VAT1L: variants seen among roughly 807,000 people sequenced by gnomAD.
VAT1L encodes the protein putative NADPH-dependent quinone oxidoreductase VAT1L.
Under a neutral mutation model 44.1 loss-of-function variants are expected in VAT1L, and 34 were observed. The observed-to-expected ratio is 0.77, with a 90% CI of 0.59 to 1.03. The LOEUF is 1.03. VAT1L is among the 50% of genes least tolerant of loss of function. VAT1L has a pLI of 0.00. For synonymous variants in VAT1L, 253 were observed against 202.2 expected (o/e 1.25, Z -2.13); for missense variants, 615 against 538.8 (o/e 1.14, Z -1.40).
chr16:77,891,765 A>C (rs1217356076), intron 7 of VAT1L, among the ~76,000 whole-genome samples: 1 of 152,200 alleles, frequency 6.6e-6, no homozygotes, highest in African/African-American at 2.4e-5. Flanking sequence ...GTCCCAGGAC[A>C]AGAGGGTAAC....
At chr16:77,943,698 G>A (rs1023051446) in intron 7 of VAT1L, among the ~76,000 whole-genome samples, 5 of 151,874 alleles carry the variant, frequency 3.3e-5, no homozygotes, top group African/African-American at 9.7e-5. Context: ...CACTGCGCCC[G>A]ACCCACCCTG....
At chr16:77,813,365 G>A (rs1392156510) in intron 1 of VAT1L, among the ~76,000 whole-genome samples, 1 of 152,192 alleles carries the variant, frequency 6.6e-6, no homozygotes, top group Non-Finnish European at 1.5e-5. Flanking sequence ...ATTCGTTTGA[G>A]TTTGTATCTT....
At chr16:77,906,123 T>G (rs1023985356) in intron 7 of VAT1L, among the ~76,000 whole-genome samples, 1 of 152,222 alleles carries the variant, frequency 6.6e-6, no homozygotes, top group Non-Finnish European at 1.5e-5. Context: ...TTAAAGTACC[T>G]TCTTTATTCA....
chr16:77,856,010 G>A (rs558321732), intron 3 of VAT1L, among the ~76,000 whole-genome samples: 6 of 151,772 alleles, frequency 4.0e-5, no homozygotes, highest in East Asian at 1.9e-4. Flanking sequence ...GGAAGACTCC[G>A]TCAAAACAAA....
intron 7 of VAT1L, among the ~76,000 whole-genome samples, chr16:77,929,624 T>A (rs2017705917): frequency 6.6e-6 from 1 of 151,804 alleles, no homozygotes; most frequent in East Asian, 1.9e-4. Flanking sequence ...AGATAGGGAG[T>A]CAGATGGGAA....
At chr16:77,839,779 A>G (rs2016685213) in intron 3 of VAT1L, among the ~76,000 whole-genome samples, 1 of 152,108 alleles carries the variant, frequency 6.6e-6, no homozygotes, top group Admixed American at 6.5e-5. Flanking sequence ...CTTAGAACAG[A>G]ACCTGATGCT....
intron 1 of VAT1L, chr16:77,800,933 A>G (rs2966068): frequency 0.74 from 112,751 of 152,070 alleles, 42,091 homozygotes; most frequent in Admixed American, 0.79. Context: ...GGTTCAAGCA[A>G]TTCTCCTGCC....
chr16:77,891,800 C>A (rs551753617), intron 7 of VAT1L, among the ~76,000 whole-genome samples: 1 of 151,928 alleles, frequency 6.6e-6, no homozygotes, highest in Non-Finnish European at 1.5e-5. Flanking sequence ...AGGCCGGGCG[C>A]GGTGGCTCAT....
At chr16:77,972,628 A>T (rs2018292795) in intron 8 of VAT1L, among the ~76,000 whole-genome samples, 1 of 152,100 alleles carries the variant, frequency 6.6e-6, no homozygotes, top group Admixed American at 6.5e-5. Flanking sequence ...TAAAAATACA[A>T]AAATTAGCCG....
At chr16:77,885,008 C>T (rs972626831) in intron 7 of VAT1L, among the ~76,000 whole-genome samples, 4 of 152,308 alleles carry the variant, frequency 2.6e-5, no homozygotes, top group South Asian at 2.1e-4. Context: ...AACCACGTGC[C>T]TCATCACACC....
intron 3 of VAT1L, among the ~76,000 whole-genome samples, chr16:77,831,429 T>C (rs1304458018): frequency 6.6e-6 from 1 of 152,184 alleles, no homozygotes; most frequent in African/African-American, 2.4e-5. Context: ...GCCAAATATT[T>C]GATGCAGAAA....
Position 77,948,706 on chromosome 16 carries a change from A to C in VAT1L, c.1078-23144A>C, listed in dbSNP as rs183276297. Among the ~76,000 whole-genome samples, 514 of 152,292 alleles carry C rather than the reference A, an allele frequency of 3.4e-3. 3 individuals carry two copies. Among genetic ancestry groups the C allele is most frequent in the Non-Finnish European group, 6.1e-3 (415 of 68,032 alleles). Reference sequence around the variant, plus strand: ...GAGTATTTTAAAGTAAATCCCAGACATAATATTATTTCATCTGTAAATATT... The same window carrying C: ...GAGTATTTTAAAGTAAATCCCAGACCTAATATTATTTCATCTGTAAATATT... On this transcript the variant is annotated intron_variant, in intron 7 of 8. Transcript: ENST00000302536.
At position 77,950,409 on chromosome 16, in the gene VAT1L, A is replaced by AACACACACACACACACAC. The variant is rs61168492; in HGVS notation, c.1078-21411_1078-21394dup. ...GGGCGACAGAGCAAGATTCCATCTA[A>AACACACACACACACACAC]ACACACACACACACACACACACACA... is the stretch of plus-strand genomic sequence containing the variant. On this transcript the variant is annotated intron_variant, in intron 7 of 8. Transcript: ENST00000302536. 5.5e-3 allele frequency among the ~76,000 whole-genome samples: 723 copies of AACACACACACACACACAC among 131,442 alleles called. 14 individuals carry two copies. Among genetic ancestry groups the AACACACACACACACACAC allele is most frequent in the African/African-American group, 0.016 (533 of 33,676 alleles). 86.2% of individuals were successfully genotyped at this position (131,442 alleles called of 152,430 possible).
At position 77,927,662 on chromosome 16, in the gene VAT1L, G is replaced by C. The variant is rs1035135007; in HGVS notation, c.1077+42860G>C. ...GGAGGCTGAGGTGGGCGGATCATGA[G>C]GTCAGGAGTTCGAGACCATCCTGGC... On this transcript the variant is annotated intron_variant, in intron 7 of 8. Coordinates refer to ENST00000302536, the MANE Select transcript of VAT1L (RefSeq NM_020927.3). Among the ~76,000 whole-genome samples the C allele has an allele frequency of 1.1e-4, 16 of 152,158 alleles. 1 individual carries two copies. In the South Asian group the frequency reaches 3.1e-3, roughly 30 times the overall value.
intron 5 of VAT1L, among the ~76,000 whole-genome samples, chr16:77,876,960 G>C (rs2017094007): frequency 6.6e-6 from 1 of 152,162 alleles, no homozygotes; most frequent in Non-Finnish European, 1.5e-5. Context: ...CAGAAGCCCT[G>C]AATAGATGGA....
At chr16:77,810,654 A>G (rs1304109031) in intron 1 of VAT1L, among the ~76,000 whole-genome samples, 1 of 152,110 alleles carries the variant, frequency 6.6e-6, no homozygotes, top group Non-Finnish European at 1.5e-5. Flanking sequence ...TGGGTGACAG[A>G]GCTAGACTCT....
chr16:77,788,972 G>A (rs1029060131), intron 1 of VAT1L, 57 bp downstream of exon 1: 5 of 1,428,804 alleles, frequency 3.5e-6, no homozygotes, highest in African/African-American at 1.5e-5. Context: ...GCGCTGGGGA[G>A]GGGGTGGGAA....
chr16:77,960,106 A>G (rs969682595), intron 7 of VAT1L, among the ~76,000 whole-genome samples: 2 of 152,078 alleles, frequency 1.3e-5, no homozygotes, highest in East Asian at 1.9e-4. Flanking sequence ...CCACAACCTC[A>G]TAACACCATC....
rs548543611 is a variant in VAT1L at position 77,833,780 on chromosome 16, A to G, written c.579+8319A>G. Among the ~76,000 whole-genome samples the G allele has an allele frequency of 7.3e-5, 11 of 151,510 alleles. 1 individual carries two copies. The South Asian group carries it at 2.3e-3, about 32-fold the overall frequency. ...AAAAAGAAAAAGAAAAAAAAGAAAAATGAAAGTGGGAATAGGCTTTCATGA... is the reference window on the plus strand; with the variant it reads ...AAAAAGAAAAAGAAAAAAAAGAAAAGTGAAAGTGGGAATAGGCTTTCATGA... On this transcript the variant is annotated intron_variant, in intron 3 of 8. Coordinates refer to ENST00000302536, the MANE Select transcript of VAT1L (RefSeq NM_020927.3).
Sources: allele counts gnomAD v4.1 joint callset (sites outside exome capture counted in the v4.1 genomes callset), GRCh38; gene constraint gnomAD v4.1.1; transcripts MANE v1.5; gene names NCBI Gene and HGNC (gene_info 2026-07-23, HGNC 2026-07-21).